Variants in ARHGAP21 observed in about 807,000 individuals in gnomAD.
ARHGAP21 encodes Rho GTPase activating protein 21.
Under a neutral mutation model 164.6 loss-of-function variants are expected in ARHGAP21, and 38 were observed. The observed-to-expected ratio is 0.23, with a 90% confidence interval of 0.18 to 0.30. The LOEUF (loss-of-function observed/expected upper bound fraction) is 0.30. Ranked by LOEUF, ARHGAP21 falls within the 10% of genes least tolerant of loss-of-function variation. The pLI, the probability that ARHGAP21 is intolerant of heterozygous loss-of-function variation, is 1.00. For missense variants in ARHGAP21, 1,822 were observed against 2,370.7 expected, an observed-to-expected ratio of 0.77 and a Z score of 4.81; for synonymous variants, 766 against 857.9, an observed-to-expected ratio of 0.89 and a Z score of 1.87.
chr10:24,617,933 T>C (rs999784851), intron 9 of ARHGAP21, among the ~76,000 whole-genome samples: 3 of 152,130 alleles, frequency 2.0e-5, no homozygotes, highest in African/African-American at 7.2e-5. Flanking sequence ...AAAAAGCCCC[T>C]GCATCGCATG....
intron 4 of ARHGAP21, among the ~76,000 whole-genome samples, chr10:24,656,285 A>G (rs1838901291): frequency 1.1e-5 from 1 of 89,212 alleles, no homozygotes; most frequent in Non-Finnish European, 2.2e-5. Flanking sequence ...GGCCGCCCCT[A>G]CTGGGAAGTG....
intron 4 of ARHGAP21, among the ~76,000 whole-genome samples, chr10:24,661,622 G>A (rs1050825350): frequency 3.9e-5 from 6 of 152,100 alleles, no homozygotes; most frequent in African/African-American, 1.4e-4. Flanking sequence ...CTTTGACTCT[G>A]ATCATTACAC....
In ARHGAP21 at chr10:24,674,876, C is replaced by G. The variant is rs375669975; in HGVS notation, c.64-4479G>C. 1.1e-4 allele frequency among the ~76,000 whole-genome samples: 17 copies of G among 152,178 alleles called. No individual in the cohort carries two copies. In the East Asian group the frequency reaches 2.7e-3, roughly 24 times the overall value. On this transcript the variant is annotated intron_variant, in intron 2 of 25. Coordinates refer to ENST00000396432, the MANE Select transcript of ARHGAP21 (RefSeq NM_020824.4). ...CAAAATTCAATAATGGAAATGCAAA[C>G]TAAAACCATAATGAAATACCACTGC...
At chr10:24,613,348 G>C (rs2077347405) in intron 9 of ARHGAP21, among the ~76,000 whole-genome samples, 1 of 152,094 alleles carries the variant, frequency 6.6e-6, no homozygotes, top group South Asian at 2.1e-4. Flanking sequence ...AATAAGTCCT[G>C]TTTTATATGA....
In ARHGAP21 at chr10:24,584,789, C is replaced by A. The variant is rs549976778; in HGVS notation, c.5500G>T (p.Ala1834Ser). 9 of 1,613,964 alleles carry A rather than the reference C, an allele frequency of 5.6e-6. No homozygotes were observed. The South Asian group carries it at 6.6e-5, about 12-fold the overall frequency. ...CATTTTGGTTTTAACCGGTTTACAG[C>A]TGAAAGTTCAGATTCTCTCTCCCCG... ...QSGERESELS[A>S]VNRLKPKCSA... Residue 1834 changes from alanine to serine, a missense_variant, in exon 26 of 26, where the codon GCT (alanine) becomes TCT (serine). Ala to Ser is a moderately conservative substitution (Grantham distance 99, BLOSUM62 1). Transcript: ENST00000396432.
At chr10:24,663,749 A>G (rs552417190) in intron 4 of ARHGAP21, among the ~76,000 whole-genome samples, 1 of 152,204 alleles carries the variant, frequency 6.6e-6, no homozygotes, top group African/African-American at 2.4e-5. Context: ...GGCTGGTCTC[A>G]AACTCCTGAC....
intron 4 of ARHGAP21, among the ~76,000 whole-genome samples, chr10:24,663,531 C>G (rs887230098): frequency 1.3e-5 from 2 of 151,938 alleles, no homozygotes; most frequent in African/African-American, 4.8e-5. Context: ...ATGGTAATAA[C>G]TATTATTATT....
chr10:24,666,186 C>T (rs923826417), intron 4 of ARHGAP21, among the ~76,000 whole-genome samples: 19 of 152,154 alleles, frequency 1.2e-4, no homozygotes, highest in African/African-American at 3.6e-4. Flanking sequence ...CCCGCCACCA[C>T]ACCCGGCTAA....
chr10:24,713,260 C>T (rs1845016898), intron 2 of ARHGAP21, among the ~76,000 whole-genome samples: 1 of 152,180 alleles, frequency 6.6e-6, no homozygotes. Context: ...AACAGTGCTG[C>T]ATACATAGCA....
chr10:24,638,970 C>G (rs2131403784), intron 4 of ARHGAP21, among the ~76,000 whole-genome samples: 1 of 152,134 alleles, frequency 6.6e-6, no homozygotes, highest in Middle Eastern at 3.4e-3. Flanking sequence ...ACACATACGT[C>G]TACAATGAAG....
intron 21 of ARHGAP21, among the ~76,000 whole-genome samples, chr10:24,592,714 C>T (rs7905005): frequency 0.52 from 79,004 of 150,510 alleles, 20,896 homozygotes; most frequent in African/African-American, 0.56. Context: ...GCAGCCTGGG[C>T]GACAGAGTAA....
At chr10:24,699,971 A>G (rs1048931042) in intron 2 of ARHGAP21, among the ~76,000 whole-genome samples, 2 of 152,176 alleles carry the variant, frequency 1.3e-5, no homozygotes, top group African/African-American at 4.8e-5. Flanking sequence ...TGTGAGGGGC[A>G]GAGAGAGGTG....
At chr10:24,616,292 G>T (rs1208125794) in intron 9 of ARHGAP21, among the ~76,000 whole-genome samples, 1 of 152,156 alleles carries the variant, frequency 6.6e-6, no homozygotes, top group East Asian at 1.9e-4. Context: ...CTAAGACTCA[G>T]CCTGAATTAG....
At chr10:24,677,463 CT>C (rs1174222461) in intron 2 of ARHGAP21, among the ~76,000 whole-genome samples, 1 of 152,142 alleles carries the variant, frequency 6.6e-6, no homozygotes, top group African/African-American at 2.4e-5. Context: ...GAACTGCTAA[CT>C]TTTTCCTCCC....
intron 7 of ARHGAP21, among the ~76,000 whole-genome samples, chr10:24,624,083 GAGTTA>G (rs1420656353): frequency 1.3e-5 from 2 of 152,074 alleles, no homozygotes; most frequent in African/African-American, 4.8e-5. Context: ...CCCCACTTCT[GAGTTA>G]AGTTATCACA....
chr10:24,585,780 G>C lies in ARHGAP21; in HGVS notation c.4509C>G (p.Pro1503=), dbSNP rs61758701. The C allele has an allele frequency of 2.8e-5, 45 of 1,613,858 alleles. No homozygotes were observed. The Middle Eastern group carries it at 6.6e-4, about 24-fold the overall frequency. The change falls in exon 26 of 26, where the codon CCC becomes CCG. Residue 1503 remains proline (P), a synonymous_variant. Transcript: ENST00000396432. ...LGKESTPSEE[P]SPPHNSKHNK... is the part of the protein sequence containing the mutation. The stretch of plus-strand genomic sequence containing the variant: ...TGTGTTTTGAGTTGTGTGGTGGTGA[G>C]GGTTCTTCAGAAGGCGTGCTCTCTT...
rs1834341181 is a variant in ARHGAP21 at position 24,619,587 on chromosome 10, T to C, written c.2308A>G (p.Thr770Ala). 6.2e-7 allele frequency: 1 copy of C among 1,614,038 alleles called. No individual in the cohort carries two copies. The highest frequency in any genetic ancestry group is 1.3e-5 in the African/African-American group (1 of 74,910). ...CGTGCATCATTGGGCAGCCAGCAGG[T>C]AGTGTCTGACCCGGTCTCCTGGTCA... ...VNDQETGSDT[T>A]CWLPNDARRE... The change falls in exon 9 of 26, where the codon ACC becomes GCC. Residue 770 changes from threonine to alanine, a missense_variant. Thr to Ala is a moderately conservative substitution (Grantham distance 58, BLOSUM62 0). Transcript: ENST00000396432.
intron 4 of ARHGAP21, among the ~76,000 whole-genome samples, chr10:24,638,349 C>T (rs141242988): frequency 6.6e-6 from 1 of 152,300 alleles, no homozygotes; most frequent in Non-Finnish European, 1.5e-5. Flanking sequence ...GAGTTAAACA[C>T]TTGACTCATG....
intron 4 of ARHGAP21, among the ~76,000 whole-genome samples, chr10:24,639,635 G>C (rs949569136): frequency 6.6e-6 from 1 of 152,056 alleles, no homozygotes; most frequent in Admixed American, 6.6e-5. Flanking sequence ...ATACTGCCGG[G>C]GGAGGGGATA....
Sources: gnomAD v4.1 joint callset for allele counts (sites outside exome capture counted in the v4.1 genomes callset) on GRCh38, gnomAD v4.1.1 for gene constraint, MANE v1.5 for transcripts, NCBI Gene and HGNC (gene_info 2026-07-23, HGNC 2026-07-21) for gene names.